Variants in PHLDB3 observed in about 807,000 individuals in gnomAD.
PHLDB3 encodes pleckstrin homology-like domain family B member 3.
Under a neutral mutation model 85.7 loss-of-function variants are expected in PHLDB3, and 86 were observed. That is an observed-to-expected ratio of 1.00 (90% CI 0.84 to 1.20). The LOEUF is 1.20. PHLDB3 is among the 50% of genes most tolerant of loss of function. The pLI, the probability that PHLDB3 is intolerant of heterozygous loss-of-function variation, is 0.00. For missense variants in PHLDB3, 995 were observed against 873.0 expected (o/e 1.14, Z -1.76); for synonymous variants, 376 against 349.8 (o/e 1.07, Z -0.83).
chr19:43,496,765 G>A (rs948621828), intron 6 of PHLDB3: 18 of 297,174 alleles, frequency 6.1e-5, no homozygotes, highest in African/African-American at 3.2e-4. Flanking sequence ...AGAGTGAGAC[G>A]CTATCTCAAA....
At chr19:43,489,369 GTTT>G (rs57304377) in intron 9 of PHLDB3, among the ~76,000 whole-genome samples, 1,745 of 140,350 alleles carry the variant, frequency 0.012, 33 homozygotes, top group African/African-American at 0.04. Flanking sequence ...ATCTCTTAAA[GTTT>G]TTTTTTTTTT....
chr19:43,486,423 T>C, intron 12 of PHLDB3, 101 bp from the exon 13 acceptor site: 1 of 1,309,488 alleles, frequency 7.6e-7, no homozygotes, highest in Admixed American at 2.2e-5. Context: ...GTACAGGGAC[T>C]GGGGGCCTGG....
rs556206822 is a variant in PHLDB3 at position 43,486,917 on chromosome 19, G to A, written c.1250-47C>T. 4 of 1,491,146 alleles carry A rather than the reference G, an allele frequency of 2.7e-6. No homozygotes were observed. In the East Asian group the frequency reaches 7.1e-5, roughly 26 times the overall value. The allele number at this position is 1,491,146 out of a possible 1,614,324, so 92.4% of individuals were successfully genotyped here. A position where few individuals can be genotyped will look rare whatever the true frequency, so the allele number is the denominator to read the frequency against. ...TACAGGGCTGGATACACCCTGGCCTGAGCCTATCCACTTCTCCCCTGCAGG... is the reference window on the plus strand; with the variant it reads ...TACAGGGCTGGATACACCCTGGCCTAAGCCTATCCACTTCTCCCCTGCAGG... On this transcript the variant is annotated intron_variant, in intron 10 of 15. Coordinates refer to ENST00000292140, the MANE Select transcript of PHLDB3 (RefSeq NM_198850.4).
At chr19:43,480,436 C>T (rs1014696580) in intron 13 of PHLDB3, among the ~76,000 whole-genome samples, 5 of 151,548 alleles carry the variant, frequency 3.3e-5, no homozygotes, top group African/African-American at 1.2e-4. Flanking sequence ...ACTAAAAATC[C>T]AAAAAATTAG....
In PHLDB3 at chr19:43,475,537, T is replaced by C. The variant is rs1201347189; in HGVS notation, c.1796A>G (p.Asn599Ser). Residue 599 changes from asparagine to serine, a missense_variant, in exon 16 of 16, where the codon AAC becomes AGC. By Grantham distance (46) the Asn-to-Ser change is conservative. Coordinates refer to ENST00000292140, the MANE Select transcript of PHLDB3 (RefSeq NM_198850.4). ...TTTGACGCAGAAGGTCAGGCGGGGG[T>C]TGGGGCTCTGGAATAAGCAGAAAGT... ...DHLRCAFKSP[N>S]PRLTFCVKTY... The C allele has an allele frequency of 9.3e-6, 15 of 1,613,114 alleles. No homozygotes were observed. Among genetic ancestry groups the C allele is most frequent in the African/African-American group, 1.3e-5 (1 of 74,754 alleles).
At chr19:43,476,494 G>A (rs1304527517) in intron 15 of PHLDB3, among the ~76,000 whole-genome samples, 1 of 151,798 alleles carries the variant, frequency 6.6e-6, no homozygotes, top group Non-Finnish European at 1.5e-5. Flanking sequence ...AAAAATACCA[G>A]AAAAACAAAA....
At chr19:43,476,587 C>T (rs958873522) in intron 15 of PHLDB3, among the ~76,000 whole-genome samples, 1 of 151,582 alleles carries the variant, frequency 6.6e-6, no homozygotes, top group African/African-American at 2.4e-5. Flanking sequence ...TGCTTGAGCC[C>T]GAGAGATAGA....
chr19:43,495,269 G>A lies in PHLDB3; in HGVS notation c.1022C>T (p.Pro341Leu), dbSNP rs769307288. 1.5e-5 allele frequency: 25 copies of A among 1,613,644 alleles called. No homozygotes were observed. The highest frequency in any genetic ancestry group is 1.3e-4 in the East Asian group (6 of 44,880). ...AAATCCCCATACCTTAGTGAGGGCCGGGTTGGGCTCAGAGAAGTCCCCGCC... is the reference window on the plus strand; with the variant it reads ...AAATCCCCATACCTTAGTGAGGGCCAGGTTGGGCTCAGAGAAGTCCCCGCC... ...TPGGDFSEPNPALTKLLFTQK... is the reference protein window; with the variant it reads ...TPGGDFSEPNLALTKLLFTQK... The change falls in exon 8 of 16, where the codon CCG (proline) becomes CTG (leucine). Residue 341 changes from proline (P) to leucine (L), a missense_variant. Transcript: ENST00000292140.
intron 15 of PHLDB3, among the ~76,000 whole-genome samples, chr19:43,477,081 A>G (rs1568471353): frequency 1.3e-5 from 2 of 152,030 alleles, no homozygotes; most frequent in Non-Finnish European, 2.9e-5. Context: ...TTGGGATTAT[A>G]GGCATGAGCC....
rs956253525 is a variant in PHLDB3, at chr19:43,504,045, G to C, written c.74C>G (p.Pro25Arg). 6.2e-7 allele frequency: 1 copy of C among 1,613,660 alleles called. No homozygotes were observed. Among genetic ancestry groups the C allele is most frequent in the African/African-American group, 1.3e-5 (1 of 74,934 alleles). The stretch of plus-strand genomic sequence containing the variant: ...CCGGGACTCCTCGGGATGGCCCTGG[G>C]GCTGGACCTCCACGTCGCATTCCGG... ...LVPECDVEVQ[P>R]QGHPEESREQ... Residue 25 changes from proline (P) to arginine (R), a missense_variant, in exon 2 of 16, where the codon CCC (proline) becomes CGC (arginine). Physicochemically the swap from Pro to Arg is moderately radical, Grantham distance 103. Transcript: ENST00000292140.
intron 2 of PHLDB3, among the ~76,000 whole-genome samples, 173 bp downstream of exon 2, chr19:43,503,733 G>A (rs1157363051): frequency 1.3e-5 from 2 of 152,032 alleles, no homozygotes; most frequent in African/African-American, 4.8e-5. Flanking sequence ...CTGCCTCTCT[G>A]GCTCCGTGTC....
Position 43,475,357 on chromosome 19 carries a change from G to C in PHLDB3, c.*53C>G. ...GGGCGGGGCCTAGGAACGCCCCCGC[G>C]CCCCGCGCCGGCGGAGCCTCGAAGG... is the stretch of plus-strand genomic sequence containing the variant. On this transcript the variant is annotated 3_prime_UTR_variant, in exon 16 of 16. Transcript: ENST00000292140. The C allele has an allele frequency of 1.9e-6, 3 of 1,596,830 alleles. No homozygotes were observed. Among genetic ancestry groups the C allele is most frequent in the Non-Finnish European group, 2.6e-6 (3 of 1,169,850 alleles).
intron 2 of PHLDB3, among the ~76,000 whole-genome samples, chr19:43,503,102 G>C (rs1218232041): frequency 6.6e-6 from 1 of 151,938 alleles, no homozygotes; most frequent in African/African-American, 2.4e-5. Flanking sequence ...TTATTTCTGG[G>C]TTTCCCTCTG....
In PHLDB3 at chr19:43,497,288, CGGAACACAAAAA is replaced by C. The variant is rs1568483300; in HGVS notation, c.664-21_664-10del. 1 of 1,420,360 alleles carries C rather than the reference CGGAACACAAAAA, an allele frequency of 7.0e-7. No individual in the cohort carries two copies. The highest frequency in any genetic ancestry group is 2.8e-5 in the Admixed American group (1 of 35,528). The allele number at this position is 1,420,360 out of a possible 1,614,324, so 88.0% of individuals were successfully genotyped here. A position where few individuals can be genotyped will look rare whatever the true frequency, so the allele number is the denominator to read the frequency against. ...TCCAGTTGTTCCCTCATCTATAGGT[CGGAACACAAAAA>C]GGGTGGAGGCCTGAATCCCTAAGAC... On this transcript the variant is annotated splice_polypyrimidine_tract_variant and intron_variant, in intron 5 of 15. Coordinates refer to ENST00000292140, the MANE Select transcript of PHLDB3 (RefSeq NM_198850.4).
rs535985655 is a variant in PHLDB3 at position 43,482,419 on chromosome 19, C to T, written c.1486-2826G>A. On this transcript the variant is annotated intron_variant, in intron 13 of 15. Transcript: ENST00000292140. ...TGAAGCCCAGGGACACACTTGCTCACGTGCACAAAAGATAGCAGGGGTGTA... is the reference window on the plus strand; with the variant it reads ...TGAAGCCCAGGGACACACTTGCTCATGTGCACAAAAGATAGCAGGGGTGTA... 1.8e-4 allele frequency among the ~76,000 whole-genome samples: 27 copies of T among 152,282 alleles called. No homozygotes were observed. The South Asian group carries it at 3.5e-3, about 20-fold the overall frequency.
At chr19:43,478,272 G>A (rs1350253087) in intron 14 of PHLDB3, 140 bp from the exon 15 acceptor site, 3 of 601,614 alleles carry the variant, frequency 5.0e-6, no homozygotes, top group Non-Finnish European at 3.0e-6. Context: ...GTCTCTAAAG[G>A]TTGGGAGGTG....
Position 43,503,924 on chromosome 19 carries a change from A to C in PHLDB3, c.195T>G (p.Thr65=), listed in dbSNP as rs1279430065. The change falls in exon 2 of 16, where the codon ACT becomes ACG. Residue 65 remains threonine (T), a synonymous_variant. Transcript: ENST00000292140. ...CCCTCACCGCGTCGCGGCTGCTCTCAGTGCTGCTGCCTTCTCCCACTTCTT... is the reference window on the plus strand; with the variant it reads ...CCCTCACCGCGTCGCGGCTGCTCTCCGTGCTGCTGCCTTCTCCCACTTCTT... ...EEEEVGEGSS[T]ESSRDAPEAT... is the part of the protein sequence containing the mutation. 1.2e-6 allele frequency: 2 copies of C among 1,613,614 alleles called. No homozygotes were observed. The highest frequency in any genetic ancestry group is 4.5e-5 in the East Asian group (2 of 44,862).
At position 43,479,584 on chromosome 19, in the gene PHLDB3, T is replaced by C; in HGVS notation, c.1495A>G (p.Thr499Ala). ...CGCGGGCCTGGAGGGTGGGGTGGGG[T>C]GGGTGGGGCCTGGGGAGCAAAGAGA... ...PAVPAITAPP[T>A]PPHPPGPRIL... The change falls in exon 14 of 16, where the codon ACC becomes GCC. Residue 499 changes from threonine (T) to alanine (A), a missense_variant. Coordinates refer to ENST00000292140, the MANE Select transcript of PHLDB3 (RefSeq NM_198850.4). 2 of 130,274 alleles carry C rather than the reference T, an allele frequency of 1.5e-5. No homozygotes were observed. The highest frequency in any genetic ancestry group is 3.1e-5 in the Non-Finnish European group (2 of 63,708). The allele number at this position is 130,274 out of a possible 1,614,324, so 8.1% of individuals were successfully genotyped here.
intron 9 of PHLDB3, among the ~76,000 whole-genome samples, chr19:43,494,252 C>T (rs1239407839): frequency 2.6e-5 from 4 of 152,124 alleles, no homozygotes; most frequent in Non-Finnish European, 5.9e-5. Context: ...TCAGGTCATC[C>T]GCTTGCCTTG....
Sources: gnomAD v4.1 joint callset for allele counts (sites outside exome capture counted in the v4.1 genomes callset) on GRCh38, gnomAD v4.1.1 for gene constraint, MANE v1.5 for transcripts, NCBI Gene and HGNC (gene_info 2026-07-23, HGNC 2026-07-21) for gene names.